FGF12: variants seen among roughly 807,000 people sequenced by gnomAD.
FGF12 encodes fibroblast growth factor 12B.
Under a neutral mutation model 23.6 loss-of-function variants are expected in FGF12, and 14 were observed. That is an observed-to-expected ratio of 0.59 (90% CI 0.39 to 0.93). The LOEUF (loss-of-function observed/expected upper bound fraction) is 0.93. Ranked by LOEUF, FGF12 falls within the 40% of genes least tolerant of loss-of-function variation. The pLI is 0.00. For missense variants in FGF12, 175 were observed against 217.8 expected (o/e 0.80, Z 1.24); for synonymous variants, 62 against 77.3 (o/e 0.80, Z 1.04).
chr3:192,553,706 G>T (rs746590238), intron 2 of FGF12, among the ~76,000 whole-genome samples: 31 of 152,178 alleles, frequency 2.0e-4, no homozygotes, highest in South Asian at 4.2e-4. Flanking sequence ...CCAACCCCCG[G>T]CTCAGAGTTG....
At position 192,179,243 on chromosome 3, in the gene FGF12, G is replaced by A. The variant is rs925316155; in HGVS notation, c.229-8587C>T. Reference sequence around the variant, plus strand: ...TTAAAAAAAACAACTCTGCAGATACGGAAACCTTTGTCTACACACTTTTGA... The same window carrying A: ...TTAAAAAAAACAACTCTGCAGATACAGAAACCTTTGTCTACACACTTTTGA... On this transcript the variant is annotated intron_variant, in intron 4 of 5. Transcript: ENST00000445105. 2.9e-4 allele frequency among the ~76,000 whole-genome samples: 44 copies of A among 152,004 alleles called. 1 individual carries two copies. Among genetic ancestry groups the A allele is most frequent in the South Asian group, 2.1e-4 (1 of 4,824 alleles).
chr3:192,675,281 T>C (rs1484224252), intron 2 of FGF12, among the ~76,000 whole-genome samples: 1 of 151,934 alleles, frequency 6.6e-6, no homozygotes, highest in Non-Finnish European at 1.5e-5. Context: ...AAAACTCTTA[T>C]TCTGTCCTTC....
chr3:192,554,683 A>G (rs1043217554), intron 2 of FGF12, among the ~76,000 whole-genome samples: 1 of 152,208 alleles, frequency 6.6e-6, no homozygotes, highest in Non-Finnish European at 1.5e-5. Context: ...ATGGTTCAAT[A>G]AAAGGAACAA....
intron 4 of FGF12, among the ~76,000 whole-genome samples, chr3:192,218,540 T>C (rs1478876757): frequency 6.6e-6 from 1 of 152,196 alleles, no homozygotes; most frequent in Non-Finnish European, 1.5e-5. Flanking sequence ...CCTCCTGCTC[T>C]GGCTATCACC....
intron 2 of FGF12, among the ~76,000 whole-genome samples, chr3:192,410,229 G>A (rs1721153997): frequency 6.6e-6 from 1 of 152,178 alleles, no homozygotes; most frequent in African/African-American, 2.4e-5. Context: ...CCCTTTCCTG[G>A]AGCCCTCCGC....
intron 2 of FGF12, among the ~76,000 whole-genome samples, chr3:192,446,043 G>A (rs1160145456): frequency 6.6e-6 from 1 of 152,152 alleles, no homozygotes; most frequent in Non-Finnish European, 1.5e-5. Flanking sequence ...GTCAAAAGAG[G>A]CATTCTTTGT....
chr3:192,459,661 T>A (rs1297427289), intron 2 of FGF12, among the ~76,000 whole-genome samples: 1 of 152,184 alleles, frequency 6.6e-6, no homozygotes, highest in Non-Finnish European at 1.5e-5. Context: ...TAAAGTGGAT[T>A]AATAATAGAA....
chr3:192,590,937 C>T (rs1713595348), intron 2 of FGF12, among the ~76,000 whole-genome samples: 1 of 151,818 alleles, frequency 6.6e-6, no homozygotes, highest in South Asian at 2.1e-4. Flanking sequence ...ACACAGTTCT[C>T]TGAATAGTTC....
At chr3:192,610,411 G>A (rs1248884394) in intron 2 of FGF12, among the ~76,000 whole-genome samples, 2 of 152,046 alleles carry the variant, frequency 1.3e-5, no homozygotes, top group African/African-American at 4.8e-5. Context: ...GAAATTGTGT[G>A]TTCTCTCCAG....
At chr3:192,393,556 C>T (rs1354451543) in intron 2 of FGF12, among the ~76,000 whole-genome samples, 1 of 151,832 alleles carries the variant, frequency 6.6e-6, no homozygotes, top group Non-Finnish European at 1.5e-5. Flanking sequence ...TGACCAATGG[C>T]ACAAAAGATA....
At chr3:192,650,325 C>T (rs1383132828) in intron 2 of FGF12, among the ~76,000 whole-genome samples, 1 of 152,230 alleles carries the variant, frequency 6.6e-6, no homozygotes. Flanking sequence ...TGTCTACCGA[C>T]TTACAACCAC....
At chr3:192,704,230 C>A (rs948016734) in intron 2 of FGF12, among the ~76,000 whole-genome samples, 3 of 152,108 alleles carry the variant, frequency 2.0e-5, no homozygotes, top group Non-Finnish European at 4.4e-5. Flanking sequence ...ACTTGAAAGT[C>A]ATAATTACTC....
At chr3:192,548,075 T>C (rs1725539965) in intron 2 of FGF12, among the ~76,000 whole-genome samples, 3 of 152,170 alleles carry the variant, frequency 2.0e-5, no homozygotes, top group Admixed American at 2.0e-4. Flanking sequence ...TCAAAATGAG[T>C]AAATTGCTTC....
At chr3:192,386,134 T>C (rs1720030597) in intron 2 of FGF12, among the ~76,000 whole-genome samples, 1 of 152,224 alleles carries the variant, frequency 6.6e-6, no homozygotes, top group Non-Finnish European at 1.5e-5. Flanking sequence ...TTAGTGACAT[T>C]GTCTCCAACA....
rs1055857916 is a variant in FGF12 at position 192,373,526 on chromosome 3, G to A, written c.14-12988C>T. Among the ~76,000 whole-genome samples the A allele has an allele frequency of 1.1e-4, 17 of 152,240 alleles. No individual in the cohort carries two copies. In the East Asian group the frequency reaches 3.1e-3, roughly 28 times the overall value. The stretch of plus-strand genomic sequence containing the variant: ...ATCAATGAAGATTATTAAAATTTCA[G>A]TTAAATTATAATCTAGACAAACTAT... On this transcript the variant is annotated intron_variant, in intron 2 of 5. Coordinates refer to ENST00000445105, the MANE Select transcript of FGF12 (RefSeq NM_004113.6).
intron 4 of FGF12, among the ~76,000 whole-genome samples, chr3:192,252,465 A>G (rs1427781955): frequency 1.5e-5 from 1 of 67,370 alleles, no homozygotes; most frequent in Non-Finnish European, 2.7e-5. Flanking sequence ...TCTGTCTCAA[A>G]AAAAAAAAAA....
intron 4 of FGF12, among the ~76,000 whole-genome samples, chr3:192,266,139 A>C (rs537708519): frequency 6.6e-6 from 1 of 152,276 alleles, no homozygotes; most frequent in East Asian, 1.9e-4. Context: ...TTTTCATACA[A>C]TCTTCTCTGA....
intron 2 of FGF12, among the ~76,000 whole-genome samples, chr3:192,567,787 TTCTTTCTTTCTTTC>T (rs984109259): frequency 5.3e-5 from 7 of 131,018 alleles, no homozygotes; most frequent in African/African-American, 1.1e-4. Flanking sequence ...CTTTCTTTCT[TTCTTTCTTTCTTTC>T]TCTTTCTTTC....
intron 4 of FGF12, among the ~76,000 whole-genome samples, chr3:192,236,878 T>C (rs1427790518): frequency 6.6e-6 from 1 of 152,148 alleles, no homozygotes; most frequent in African/African-American, 2.4e-5. Flanking sequence ...TGTCCTCATG[T>C]TGTTAGCTGG....
Sources: gnomAD v4.1 joint callset for allele counts (sites outside exome capture counted in the v4.1 genomes callset) on GRCh38, gnomAD v4.1.1 for gene constraint, MANE v1.5 for transcripts, NCBI Gene and HGNC (gene_info 2026-07-23, HGNC 2026-07-21) for gene names.